PCDH11X: variants seen among roughly 807,000 people sequenced by gnomAD.
The protein encoded by PCDH11X is protocadherin-11 X-linked.
A neutral mutation model predicts 53.3 loss-of-function variants in PCDH11X; 18 were observed. The ratio of observed to expected loss-of-function variants is 0.34; its 90% CI spans 0.23 to 0.50. PCDH11X has a LOEUF of 0.50. PCDH11X is among the 20% of genes least tolerant of loss of function. The probability of loss-of-function intolerance (pLI) is 0.98; values close to 1 mark genes in which losing one functional copy is unlikely to be tolerated. For missense variants in PCDH11X, 570 were observed against 1,032.4 expected (o/e 0.55, Z 6.14); for synonymous variants, 279 against 393.3 (o/e 0.71, Z 3.44).
chrX:91,832,855 A>T (rs1346490983), intron 4 of PCDH11X, among the ~76,000 whole-genome samples: 2 of 108,864 alleles, frequency 1.8e-5, no homozygotes, highest in Non-Finnish European at 1.9e-5. Context: ...ATTTTTTTTT[A>T]ATTTAACTTT....
At chrX:91,820,570 T>C (rs1209152486) in intron 4 of PCDH11X, among the ~76,000 whole-genome samples, 1 of 101,788 alleles carries the variant, frequency 9.8e-6, no homozygotes, top group Non-Finnish European at 1.9e-5. Context: ...TTCTGGATAT[T>C]AGCCCTTTGT....
intron 6 of PCDH11X, among the ~76,000 whole-genome samples, chrX:91,891,211 A>T (rs1330328180): frequency 1.1e-3 from 114 of 104,414 alleles, no homozygotes; most frequent in Non-Finnish European, 1.8e-3. Flanking sequence ...ACTGGAATAC[A>T]TGTAGATACT....
At chrX:92,052,545 CTCTT>C (rs1454437883) in intron 6 of PCDH11X, among the ~76,000 whole-genome samples, 4 of 62,872 alleles carry the variant, frequency 6.4e-5, no homozygotes, top group Middle Eastern at 6.6e-3. Context: ...CATTTTCTCT[CTCTT>C]TCTCTGTCTC....
chrX:92,244,094 A>T (rs1343779839), intron 7 of PCDH11X, among the ~76,000 whole-genome samples: 1 of 109,844 alleles, frequency 9.1e-6, no homozygotes, highest in East Asian at 2.9e-4. Flanking sequence ...ACGAGCTGAT[A>T]ATCTGGGCCA....
intron 1 of PCDH11X, among the ~76,000 whole-genome samples, chrX:91,801,466 G>A (rs940007426): frequency 1.8e-5 from 2 of 110,992 alleles, no homozygotes; most frequent in Non-Finnish European, 3.8e-5. Context: ...GATTGCCTTT[G>A]ATTATATTCA....
intron 9 of PCDH11X, among the ~76,000 whole-genome samples, chrX:92,447,975 C>A (rs1365758810): frequency 6.5e-5 from 7 of 108,017 alleles, no homozygotes; most frequent in Admixed American, 5.9e-4. Flanking sequence ...CACTGCCCTG[C>A]TGAGTTTTGG....
chrX:91,886,363 A>G (rs1940194468), intron 6 of PCDH11X, among the ~76,000 whole-genome samples: 2 of 111,145 alleles, frequency 1.8e-5, no homozygotes, highest in Non-Finnish European at 3.8e-5. Context: ...CCATTAAATT[A>G]TAAGTAGCTT....
chrX:92,197,862 G>A (rs1032466731), intron 6 of PCDH11X, among the ~76,000 whole-genome samples: 5 of 111,913 alleles, frequency 4.5e-5, no homozygotes, highest in African/African-American at 1.6e-4. Context: ...GAAAATGATA[G>A]CATACTTACA....
chrX:92,319,896 G>A (rs773164688), intron 8 of PCDH11X, among the ~76,000 whole-genome samples: 1 of 111,897 alleles, frequency 8.9e-6, no homozygotes, highest in African/African-American at 3.2e-5. Flanking sequence ...AGTGGACACA[G>A]AATTTTCTTT....
chrX:91,860,062 T>C (rs1191010042), intron 5 of PCDH11X, among the ~76,000 whole-genome samples: 1 of 109,448 alleles, frequency 9.1e-6, no homozygotes, highest in East Asian at 2.9e-4. Flanking sequence ...AGTGTGGACA[T>C]TTTGACAATA....
At chrX:92,359,946 G>C (rs1391689499) in intron 8 of PCDH11X, among the ~76,000 whole-genome samples, 2 of 110,528 alleles carry the variant, frequency 1.8e-5, no homozygotes, top group Non-Finnish European at 3.8e-5. Context: ...TTTCAAATGA[G>C]TTGTCTGTAA....
chrX:91,820,394 G>C (rs1455067816), intron 4 of PCDH11X, among the ~76,000 whole-genome samples: 3 of 85,017 alleles, frequency 3.5e-5, no homozygotes, highest in Non-Finnish European at 6.4e-5. Flanking sequence ...TCTCATTGTG[G>C]TTTTGATTTG....
chrX:92,617,424 A>C (rs1928098881), intron 10 of PCDH11X, among the ~76,000 whole-genome samples: 1 of 111,711 alleles, frequency 9.0e-6, no homozygotes, highest in South Asian at 3.7e-4. Flanking sequence ...TGTAAGGTGC[A>C]TACACACAGG....
intron 9 of PCDH11X, among the ~76,000 whole-genome samples, chrX:92,437,979 G>A (rs929283906): frequency 7.2e-5 from 8 of 111,839 alleles, no homozygotes; most frequent in Non-Finnish European, 9.4e-5. Flanking sequence ...GCTAAGTAAC[G>A]CATCGAAAAT....
chrX:92,343,137 A>G (rs938968017), intron 8 of PCDH11X, among the ~76,000 whole-genome samples: 1 of 112,388 alleles, frequency 8.9e-6, no homozygotes, highest in Non-Finnish European at 1.9e-5. Flanking sequence ...AAATGTGTAA[A>G]GGACAGCCTT....
At chrX:91,936,561 A>T (rs1182998265) in intron 6 of PCDH11X, among the ~76,000 whole-genome samples, 2 of 106,939 alleles carry the variant, frequency 1.9e-5, no homozygotes, top group African/African-American at 3.3e-5. Context: ...TATAATATAT[A>T]TTATATAATA....
intron 7 of PCDH11X, among the ~76,000 whole-genome samples, chrX:92,233,053 C>T (rs1262437731): frequency 9.0e-6 from 1 of 111,378 alleles, no homozygotes; most frequent in East Asian, 2.8e-4. Context: ...CTGACTCTAC[C>T]CCAGCTCCTC....
intron 6 of PCDH11X, among the ~76,000 whole-genome samples, chrX:92,142,414 A>G (rs1415440448): frequency 9.2e-6 from 1 of 109,266 alleles, no homozygotes. Context: ...ACACATACAC[A>G]TATCCATGTT....
intron 6 of PCDH11X, among the ~76,000 whole-genome samples, chrX:92,086,958 A>G (rs2063962832): frequency 9.1e-6 from 1 of 110,429 alleles, no homozygotes; most frequent in African/African-American, 3.3e-5. Flanking sequence ...TACACTCACC[A>G]GACTATGGAG....
Sources: gnomAD v4.1 joint callset for allele counts (sites outside exome capture counted in the v4.1 genomes callset) on GRCh38, gnomAD v4.1.1 for gene constraint, MANE v1.5 for transcripts, NCBI Gene and HGNC (gene_info 2026-07-23, HGNC 2026-07-21) for gene names.